VWA3A: variants seen among roughly 807,000 people sequenced by gnomAD.
The protein encoded by VWA3A is von Willebrand factor A domain-containing protein 3A.
A neutral mutation model predicts 160.4 loss-of-function variants in VWA3A; 134 were observed. The ratio of observed to expected loss-of-function variants is 0.84; its 90% CI spans 0.73 to 0.96. VWA3A has a LOEUF of 0.96. VWA3A is among the 40% of genes least tolerant of loss of function. The pLI, the probability that VWA3A is intolerant of heterozygous loss-of-function variation, is 0.00. For missense variants in VWA3A, 1,310 were observed against 1,447.9 expected (o/e 0.90, Z 1.55); for synonymous variants, 476 against 543.4 (o/e 0.88, Z 1.72).
intron 29 of VWA3A, among the ~76,000 whole-genome samples, chr16:22,150,239 T>C (rs1344085620): frequency 6.6e-6 from 1 of 152,000 alleles, no homozygotes; most frequent in Non-Finnish European, 1.5e-5. Context: ...CCGTCTCTAC[T>C]AAATACAAAA....
At chr16:22,150,539 G>T (rs970891504) in intron 29 of VWA3A, among the ~76,000 whole-genome samples, 156 bp from the exon 30 acceptor site, 1 of 152,198 alleles carries the variant, frequency 6.6e-6, no homozygotes, top group African/African-American at 2.4e-5. Flanking sequence ...TCTGTCTGAG[G>T]CTGAAAGAGA....
At chr16:22,097,937 C>T (rs2045350471) in intron 3 of VWA3A, among the ~76,000 whole-genome samples, 1 of 152,194 alleles carries the variant, frequency 6.6e-6, no homozygotes, top group Non-Finnish European at 1.5e-5. Context: ...TGTGAAGACT[C>T]TGATCATGTT....
Position 22,100,347 on chromosome 16 carries a change from C to T in VWA3A, c.350+29C>T, listed in dbSNP as rs369782153. On this transcript the variant is annotated intron_variant, in intron 4 of 33. Transcript: ENST00000389398. ...AGTCTGAAGCTGTTCCCCGCACCCC[C>T]CACAGCTGCAGTGACACATGCAACC... is the stretch of plus-strand genomic sequence containing the variant. 4.1e-5 allele frequency: 64 copies of T among 1,551,648 alleles called. 1 individual carries two copies. The African/African-American group carries it at 6.6e-4, about 16-fold the overall frequency.
intron 4 of VWA3A, 25 bp from the exon 5 acceptor site, chr16:22,100,391 C>A: frequency 3.9e-6 from 6 of 1,551,662 alleles, no homozygotes; most frequent in Non-Finnish European, 5.2e-6. Context: ...CCGAGAGATC[C>A]CCTCATAAGG....
At position 22,111,002 on chromosome 16, in the gene VWA3A, G is replaced by A. The variant is rs746523694; in HGVS notation, c.689+8G>A. The A allele has an allele frequency of 1.3e-5, 20 of 1,594,892 alleles. No homozygotes were observed. In the Middle Eastern group the frequency reaches 5.0e-4, roughly 39 times the overall value. On this transcript the variant is annotated splice_region_variant and intron_variant, in intron 8 of 33. Transcript: ENST00000389398. ...GGAAGTCAGCGCCTCCACGTGAGTG[G>A]CTTTCCTACCTGACGGTGATGTTCA... is the stretch of plus-strand genomic sequence containing the variant.
Position 22,146,293 on chromosome 16 carries a change from T to C in VWA3A, c.2788T>C (p.Leu930=), listed in dbSNP as rs747568179. The C allele has an allele frequency of 3.1e-6, 5 of 1,613,598 alleles. No homozygotes were observed. Among genetic ancestry groups the C allele is most frequent in the Non-Finnish European group, 4.2e-6 (5 of 1,179,738 alleles). The change falls in exon 27 of 34, where the codon TTG becomes CTG. Residue 930 remains leucine (L), a synonymous_variant. Transcript: ENST00000389398. ...PREMEVYIRH[L]EKVLRRYVQR... Reference sequence around the variant, plus strand: ...GGAGATGGAGGTGTACATCAGGCACTTGGAGAAGGTGTTAAGGCGCTATGT... The same window carrying C: ...GGAGATGGAGGTGTACATCAGGCACCTGGAGAAGGTGTTAAGGCGCTATGT...
chr16:22,127,692 C>T (rs77745128), intron 17 of VWA3A, among the ~76,000 whole-genome samples: 2,027 of 152,232 alleles, frequency 0.013, 47 homozygotes, highest in African/African-American at 0.046. Flanking sequence ...TTCATTCATT[C>T]AGCAATGTTT....
At chr16:22,119,306 C>T (rs2141904976) in intron 12 of VWA3A, among the ~76,000 whole-genome samples, 2 of 152,346 alleles carry the variant, frequency 1.3e-5, no homozygotes, top group East Asian at 3.9e-4. Flanking sequence ...TCTATCCTGT[C>T]ACTGTCCCCT....
intron 6 of VWA3A, among the ~76,000 whole-genome samples, chr16:22,106,397 A>G (rs1323846785): frequency 2.0e-5 from 3 of 152,090 alleles, no homozygotes; most frequent in Non-Finnish European, 1.5e-5. Context: ...AAATAAAATA[A>G]AAAATAAATA....
intron 1 of VWA3A, among the ~76,000 whole-genome samples, chr16:22,095,405 G>A (rs1264860129): frequency 1.3e-5 from 2 of 152,152 alleles, no homozygotes; most frequent in Non-Finnish European, 2.9e-5. Context: ...TGGTGAAGTG[G>A]GAAATCTAGA....
rs1283219166 is a variant in VWA3A at position 22,092,626 on chromosome 16, A to T, written c.-12A>T. On this transcript the variant is annotated 5_prime_UTR_variant, in exon 1 of 34. The change abolishes an upstream ATG in the 5' untranslated region. Transcript: ENST00000389398. ...AGTGCCAGGAGCCCTTCTCCCAAAGATGGAGAAATAAATGAAGAAATACAG... is the reference window on the plus strand; with the variant it reads ...AGTGCCAGGAGCCCTTCTCCCAAAGTTGGAGAAATAAATGAAGAAATACAG... 6.4e-7 allele frequency: 1 copy of T among 1,550,478 alleles called. No homozygotes were observed. The highest frequency in any genetic ancestry group is 8.7e-7 in the Non-Finnish European group (1 of 1,146,228).
At chr16:22,142,802 C>A in intron 25 of VWA3A, 37 bp downstream of exon 25, 2 of 1,452,766 alleles carry the variant, frequency 1.4e-6, no homozygotes, top group Non-Finnish European at 9.4e-7. Flanking sequence ...GCCCATTAAG[C>A]AATAGAGTAG....
intron 20 of VWA3A, among the ~76,000 whole-genome samples, chr16:22,134,023 G>C (rs1008548852): frequency 6.6e-6 from 1 of 152,012 alleles, no homozygotes; most frequent in South Asian, 2.1e-4. Context: ...GAGTGCAGTG[G>C]TGCCATCATA....
In VWA3A at chr16:22,141,589, C is replaced by A. The variant is rs773850701; in HGVS notation, c.2391C>A (p.Ala797=). ...SSRVGISPAA[A]QPTKEGMMEL... is the part of the protein sequence containing the mutation. ...AAGCCAAATGTTCCTCAGCTGCGGC[C>A]CAGCCAACGAAAGAAGGGATGATGG... Residue 797 remains alanine, a synonymous_variant, in exon 24 of 34, where the codon GCC becomes GCA. Transcript: ENST00000389398. 5 of 1,610,424 alleles carry A rather than the reference C, an allele frequency of 3.1e-6. No individual in the cohort carries two copies. The highest frequency in any genetic ancestry group is 4.2e-6 in the Non-Finnish European group (5 of 1,178,464).
Position 22,118,925 on chromosome 16 carries a change from T to G in VWA3A, c.1014T>G (p.Asp338Glu). Residue 338 changes from aspartate to glutamate, a missense_variant, in exon 12 of 34, where the codon GAT becomes GAG. Asp to Glu is a conservative substitution (Grantham distance 45). Coordinates refer to ENST00000389398, the MANE Select transcript of VWA3A (RefSeq NM_173615.5). ...KMEHYTSRDMDELLAEIQKAQ... is the reference protein window; with the variant it reads ...KMEHYTSRDMEELLAEIQKAQ... The stretch of plus-strand genomic sequence containing the variant: ...AGCACTACACCAGCCGGGACATGGA[T>G]GAGCTCCTGGCAGAAATTCAGAAGG... 6.2e-7 allele frequency: 1 copy of G among 1,613,886 alleles called. No individual in the cohort carries two copies. Among genetic ancestry groups the G allele is most frequent in the Non-Finnish European group, 8.5e-7 (1 of 1,179,832 alleles).
chr16:22,134,540 G>A, intron 21 of VWA3A, 102 bp downstream of exon 21: 1 of 985,966 alleles, frequency 1.0e-6, no homozygotes, highest in South Asian at 1.7e-5. Flanking sequence ...AACAACCATT[G>A]ATTCTCTCAC....
At chr16:22,101,454 T>C (rs1175982459) in intron 5 of VWA3A, among the ~76,000 whole-genome samples, 1 of 152,184 alleles carries the variant, frequency 6.6e-6, no homozygotes, top group East Asian at 1.9e-4. Context: ...TTCATGCTGC[T>C]GATAAAGACA....
chr16:22,143,749 CTTTT>C (rs555474217), intron 25 of VWA3A, among the ~76,000 whole-genome samples: 1 of 127,304 alleles, frequency 7.9e-6, no homozygotes, highest in African/African-American at 2.6e-5. Context: ...TTCTTTCTTT[CTTTT>C]TTTTTTTTTT....
chr16:22,126,142 T>C, intron 16 of VWA3A, 36 bp from the exon 17 acceptor site: 2 of 1,611,344 alleles, frequency 1.2e-6, no homozygotes, highest in Non-Finnish European at 1.7e-6. Context: ...ATCTCAGAGA[T>C]TCGGTTCTCC....
Sources: gnomAD v4.1 joint callset for allele counts (sites outside exome capture counted in the v4.1 genomes callset) on GRCh38, gnomAD v4.1.1 for gene constraint, MANE v1.5 for transcripts, NCBI Gene and HGNC (gene_info 2026-07-23, HGNC 2026-07-21) for gene names.